The following MACROD2 variants were observed in gnomAD, a reference collection of about 807,000 sequenced individuals.
MACROD2 encodes the protein mono-ADP ribosylhydrolase 2, also known as ADP-ribose glycohydrolase MACROD2.
MACROD2 carries 36 observed loss-of-function variants against 70.4 expected under a neutral mutation model. The ratio of observed to expected loss-of-function variants is 0.51; its 90% confidence interval spans 0.39 to 0.68. The LOEUF is 0.68. Among genes scored for constraint, MACROD2 ranks in the 30% least tolerant of loss-of-function variants. The pLI is 0.00. For missense variants in MACROD2, 496 were observed against 538.4 expected (o/e 0.92, Z 0.78); for synonymous variants, 172 against 178.8 (o/e 0.96, Z 0.30).
At chr20:14,775,517 A>C (rs1285900420) in intron 5 of MACROD2, among the ~76,000 whole-genome samples, 1 of 151,998 alleles carries the variant, frequency 6.6e-6, no homozygotes, top group Non-Finnish European at 1.5e-5. Flanking sequence ...TTCCCACGTG[A>C]ACTAGCACAG....
chr20:15,426,201 TAAA>T (rs35840462), intron 6 of MACROD2, among the ~76,000 whole-genome samples: 13 of 94,724 alleles, frequency 1.4e-4, no homozygotes, highest in African/African-American at 2.6e-4. Context: ...GAATGATCAA[TAAA>T]AAAAAAAAAA....
rs752113255 is a variant in MACROD2, at chr20:15,749,995, AG to A, written c.646-112749del. Among the ~76,000 whole-genome samples the A allele has an allele frequency of 4.6e-5, 7 of 152,244 alleles. No homozygotes were observed. In the South Asian group the frequency reaches 1.4e-3, roughly 32 times the overall value. On this transcript the variant is annotated intron_variant, in intron 8 of 17. Coordinates refer to ENST00000684519, the MANE Select transcript of MACROD2 (RefSeq NM_001351661.2). ...AAGCACAGGCAACAGAAACAAAAGT[AG>A]ACAAATAAGACTACATTAAACTAAA... is the stretch of plus-strand genomic sequence containing the variant.
intron 3 of MACROD2, among the ~76,000 whole-genome samples, chr20:14,432,516 G>C (rs13040558): frequency 6.6e-6 from 1 of 151,764 alleles, no homozygotes; most frequent in Non-Finnish European, 1.5e-5. Flanking sequence ...AAGATAGTAC[G>C]TGAGGGCTAA....
In MACROD2 at chr20:14,327,182, A is replaced by C. The variant is rs571028191; in HGVS notation, c.272-166297A>C. On this transcript the variant is annotated intron_variant, in intron 3 of 17. Coordinates refer to ENST00000684519, the MANE Select transcript of MACROD2 (RefSeq NM_001351661.2). ...CTTATGTTATTTTCTTGCAAATGTA[A>C]CTCTTTTACATACTTTGGGAGGTTG... 7.0e-5 allele frequency: 113 copies of C among 1,613,618 alleles called. No homozygotes were observed. The African/African-American group carries it at 8.8e-4, about 13-fold the overall frequency.
chr20:14,377,895 T>A (rs2083387211), intron 3 of MACROD2, among the ~76,000 whole-genome samples: 1 of 152,198 alleles, frequency 6.6e-6, no homozygotes, highest in South Asian at 2.1e-4. Flanking sequence ...AGCTCTGTGA[T>A]TGACCAGAAG....
intron 5 of MACROD2, among the ~76,000 whole-genome samples, chr20:14,719,931 G>T (rs1018226914): frequency 6.6e-6 from 1 of 152,160 alleles, no homozygotes; most frequent in Non-Finnish European, 1.5e-5. Flanking sequence ...GATGTGAGAG[G>T]TTAGGGATAG....
At chr20:15,720,423 T>C (rs950913571) in intron 8 of MACROD2, among the ~76,000 whole-genome samples, 2 of 152,212 alleles carry the variant, frequency 1.3e-5, no homozygotes, top group African/African-American at 2.4e-5. Flanking sequence ...TTAAAAATTT[T>C]ACATATCACC....
chr20:14,994,562 C>A (rs1258990515), intron 5 of MACROD2, among the ~76,000 whole-genome samples: 2 of 151,816 alleles, frequency 1.3e-5, no homozygotes, highest in Non-Finnish European at 2.9e-5. Context: ...TGAAACCAGC[C>A]TGGGCAACAA....
At chr20:15,461,006 A>ATATATATTTT in intron 7 of MACROD2, among the ~76,000 whole-genome samples, 11 of 66,988 alleles carry the variant, frequency 1.6e-4, no homozygotes, top group Non-Finnish European at 3.0e-4. Flanking sequence ...ATATATATAT[A>ATATATATTTT]TTTTTTTTTA....
At chr20:15,222,832 GT>G (rs1051089645) in intron 5 of MACROD2, among the ~76,000 whole-genome samples, 18 of 152,270 alleles carry the variant, frequency 1.2e-4, no homozygotes, top group Non-Finnish European at 1.8e-4. Flanking sequence ...TTCACAGAAT[GT>G]TTTTGCTGCA....
intron 3 of MACROD2, among the ~76,000 whole-genome samples, chr20:14,425,690 A>G (rs1338082154): frequency 6.6e-6 from 1 of 152,130 alleles, no homozygotes; most frequent in Non-Finnish European, 1.5e-5. Context: ...TGAACAAATT[A>G]TCCTGTAGGT....
chr20:14,862,041 A>ATATATATTTATATATATATTTT (rs1555839543), intron 5 of MACROD2, among the ~76,000 whole-genome samples: 1 of 11,072 alleles, frequency 9.0e-5, no homozygotes, highest in African/African-American at 4.6e-4. Flanking sequence ...ATATATATTT[A>ATATATATTTATATATATATTTT]TATATATATT....
intron 6 of MACROD2, among the ~76,000 whole-genome samples, chr20:15,418,454 C>T (rs1485874063): frequency 1.3e-5 from 2 of 152,144 alleles, no homozygotes; most frequent in African/African-American, 4.8e-5. Flanking sequence ...AGCACCTGGC[C>T]CATAGGTTCT....
intron 3 of MACROD2, chr20:14,325,881 A>G: frequency 3.7e-6 from 6 of 1,613,960 alleles, no homozygotes; most frequent in Non-Finnish European, 4.2e-6. Context: ...CAAGAAGGGC[A>G]ATGGTAACCA....
chr20:14,096,560 G>T (rs544982850), intron 3 of MACROD2, among the ~76,000 whole-genome samples: 2 of 151,718 alleles, frequency 1.3e-5, no homozygotes, highest in Non-Finnish European at 2.9e-5. Flanking sequence ...GTAGAAATGG[G>T]GTTTTGCCAT....
At chr20:14,491,266 AAAGTT>A (rs1221132370) in intron 3 of MACROD2, among the ~76,000 whole-genome samples, 1 of 152,174 alleles carries the variant, frequency 6.6e-6, no homozygotes, top group African/African-American at 2.4e-5. Flanking sequence ...TTTTACTAGT[AAAGTT>A]AACTTTTTTG....
chr20:14,798,592 T>G (rs1266979006), intron 5 of MACROD2, among the ~76,000 whole-genome samples: 2 of 152,134 alleles, frequency 1.3e-5, no homozygotes, highest in Non-Finnish European at 2.9e-5. Flanking sequence ...ATTTCATTAG[T>G]GCATACTACA....
intron 5 of MACROD2, among the ~76,000 whole-genome samples, chr20:15,062,144 T>G (rs1298716334): frequency 1.3e-5 from 2 of 152,154 alleles, no homozygotes; most frequent in African/African-American, 4.8e-5. Flanking sequence ...GAATTTGGCC[T>G]TGTGCGTGAG....
chr20:14,877,923 C>T (rs2073568213), intron 5 of MACROD2, among the ~76,000 whole-genome samples: 1 of 152,004 alleles, frequency 6.6e-6, no homozygotes, highest in Non-Finnish European at 1.5e-5. Flanking sequence ...GGGATATTGG[C>T]TTGTCGTTTT....
Sources: gnomAD v4.1 joint callset for allele counts (sites outside exome capture counted in the v4.1 genomes callset) on GRCh38, gnomAD v4.1.1 for gene constraint, MANE v1.5 for transcripts, NCBI Gene and HGNC (gene_info 2026-07-23, HGNC 2026-07-21) for gene names.